Variants in INPP5A observed in about 807,000 individuals in gnomAD.
INPP5A encodes 43 kDa inositol polyphosphate 5-phophatase.
Under a neutral mutation model 65.2 loss-of-function variants are expected in INPP5A, and 14 were observed. That is an observed-to-expected ratio of 0.21 (90% CI 0.14 to 0.34). The LOEUF (loss-of-function observed/expected upper bound fraction) is 0.34. INPP5A is among the 10% of genes least tolerant of loss of function. The pLI, the probability that INPP5A is intolerant of heterozygous loss-of-function variation, is 1.00. For missense variants in INPP5A, 431 were observed against 545.6 expected (o/e 0.79, Z 2.09); for synonymous variants, 207 against 208.3 (o/e 0.99, Z 0.05).
At chr10:132,760,619 A>G (rs372557300) in intron 11 of INPP5A, among the ~76,000 whole-genome samples, 3 of 152,212 alleles carry the variant, frequency 2.0e-5, no homozygotes, top group African/African-American at 7.2e-5. Flanking sequence ...GGCTCACCTG[A>G]GCGGGAGCTT....
chr10:132,756,352 G>T (rs1219394485), intron 11 of INPP5A, among the ~76,000 whole-genome samples: 1 of 152,090 alleles, frequency 6.6e-6, no homozygotes, highest in Admixed American at 6.5e-5. Context: ...GTATGCATGT[G>T]TGTGTACACG....
intron 1 of INPP5A, among the ~76,000 whole-genome samples, chr10:132,588,440 G>A (rs1033022457): frequency 6.6e-6 from 1 of 152,242 alleles, no homozygotes; most frequent in Non-Finnish European, 1.5e-5. Flanking sequence ...AGGCCCAGTC[G>A]TTACTTCCTT....
intron 8 of INPP5A, among the ~76,000 whole-genome samples, chr10:132,725,426 G>T (rs187991508): frequency 2.4e-3 from 367 of 152,366 alleles, no homozygotes; most frequent in African/African-American, 8.2e-3. Flanking sequence ...GAGGGTGGAG[G>T]TGTCAGCGGT....
intron 6 of INPP5A, among the ~76,000 whole-genome samples, chr10:132,703,744 T>C (rs1414260113): frequency 5.1e-5 from 2 of 39,344 alleles, no homozygotes; most frequent in Non-Finnish European, 4.3e-5. Flanking sequence ...TGCACACACA[T>C]ACACGTACGG....
rs745645034 is a variant in INPP5A at position 132,697,368 on chromosome 10, C to T, written c.371-448C>T. ...AAAGCCCATCTGGGAGGCACCCTGCCGCGCGCTGCCTCTCTCACCATCACA... is the reference window on the plus strand; with the variant it reads ...AAAGCCCATCTGGGAGGCACCCTGCTGCGCGCTGCCTCTCTCACCATCACA... On this transcript the variant is annotated intron_variant, in intron 5 of 15. Coordinates refer to ENST00000368594, the MANE Select transcript of INPP5A (RefSeq NM_005539.5). This position sits in a 1 kb window ranked among gnomAD's most constrained non-coding sequence, Gnocchi z 5.6. Among the ~76,000 whole-genome samples the T allele has an allele frequency of 2.0e-5, 3 of 152,262 alleles. No homozygotes were observed. The highest frequency in any genetic ancestry group is 6.5e-5 in the Admixed American group (1 of 15,294).
chr10:132,625,840 CTGTGTGTG>C lies in INPP5A; in HGVS notation c.117+17914_117+17921del, dbSNP rs139839964. Reference sequence around the variant, plus strand: ...TTCTCTGCAAGGGCTGGCAGGACTTCTGTGTGTGTGTGTGTGTGTGTGTGTGTGTGTGT... The same window carrying C: ...TTCTCTGCAAGGGCTGGCAGGACTTCTGTGTGTGTGTGTGTGTGTGTGTGT... On this transcript the variant is annotated intron_variant, in intron 2 of 15. Coordinates refer to ENST00000368594, the MANE Select transcript of INPP5A (RefSeq NM_005539.5). 8.2e-3 allele frequency among the ~76,000 whole-genome samples: 1,194 copies of C among 146,114 alleles called. 9 individuals are homozygous for C. Among genetic ancestry groups the C allele is most frequent in the African/African-American group, 0.018 (698 of 39,594 alleles).
At chr10:132,719,055 C>T (rs1330308400) in intron 8 of INPP5A, among the ~76,000 whole-genome samples, 26 of 147,830 alleles carry the variant, frequency 1.8e-4, no homozygotes, top group Non-Finnish European at 2.5e-4. Context: ...TGTCTGGGCG[C>T]CTTAGACGGC....
At chr10:132,666,657 C>T (rs373159367) in intron 4 of INPP5A, among the ~76,000 whole-genome samples, 5 of 152,308 alleles carry the variant, frequency 3.3e-5, no homozygotes, top group Admixed American at 6.5e-5. Context: ...CACACCGAGC[C>T]GAAACATCTT....
chr10:132,733,285 G>T (rs545486089), intron 9 of INPP5A, among the ~76,000 whole-genome samples: 12 of 152,312 alleles, frequency 7.9e-5, no homozygotes, highest in African/African-American at 2.9e-4. Context: ...TGAATCTGGG[G>T]GCACACCGTA....
rs1373354817 is a variant in INPP5A, at chr10:132,680,448, G to A, written c.307-9944G>A. Among the ~76,000 whole-genome samples the A allele has an allele frequency of 3.3e-5, 5 of 152,350 alleles. No individual in the cohort carries two copies. The South Asian group carries it at 8.3e-4, about 25-fold the overall frequency. ...TTGCAAAATACCTTATACCCATTAG[G>A]ATGGCTGTTGTCAAAAAGCGCAGAA... On this transcript the variant is annotated intron_variant, in intron 4 of 15. Transcript: ENST00000368594.
chr10:132,610,405 C>CCCGGGCCTAGCT (rs1227641890), intron 2 of INPP5A, among the ~76,000 whole-genome samples: 1 of 152,244 alleles, frequency 6.6e-6, no homozygotes, highest in Non-Finnish European at 1.5e-5. Flanking sequence ...TAGGGGTTGC[C>CCCGGGCCTAGCT]CCGGGCCTAG....
intron 4 of INPP5A, among the ~76,000 whole-genome samples, chr10:132,654,759 G>A (rs2072629683): frequency 1.3e-5 from 2 of 152,248 alleles, no homozygotes; most frequent in African/African-American, 2.4e-5. Flanking sequence ...ATGCTGTCAC[G>A]GGTATTAATA....
At chr10:132,737,294 G>A (rs1846194455) in intron 9 of INPP5A, among the ~76,000 whole-genome samples, 3 of 152,204 alleles carry the variant, frequency 2.0e-5, no homozygotes, top group Non-Finnish European at 4.4e-5. Flanking sequence ...AGAAAGCCTG[G>A]CTCAGAGTGA....
At chr10:132,647,779 G>A (rs977844022) in intron 3 of INPP5A, among the ~76,000 whole-genome samples, 22 of 152,262 alleles carry the variant, frequency 1.4e-4, no homozygotes, top group African/African-American at 5.3e-4. Context: ...TTGGATCCCT[G>A]CTTTGTGTCA....
intron 1 of INPP5A, among the ~76,000 whole-genome samples, chr10:132,554,391 C>T (rs900865482): frequency 2.0e-5 from 3 of 152,106 alleles, no homozygotes; most frequent in Non-Finnish European, 2.9e-5. Flanking sequence ...CAGAGGGTCT[C>T]CTGGGCAAGT....
chr10:132,624,123 G>A (rs766952051), intron 2 of INPP5A, among the ~76,000 whole-genome samples: 3 of 146,066 alleles, frequency 2.1e-5, no homozygotes, highest in African/African-American at 5.2e-5. Context: ...AAAGTTGGAC[G>A]TGTGGCCACC....
At chr10:132,548,523 A>G (rs544164927) in intron 1 of INPP5A, among the ~76,000 whole-genome samples, 1 of 152,332 alleles carries the variant, frequency 6.6e-6, no homozygotes, top group Admixed American at 6.5e-5. Flanking sequence ...AGTTCACCCA[A>G]TGTGAGTGTA....
chr10:132,735,358 G>A (rs139377353), intron 9 of INPP5A, among the ~76,000 whole-genome samples: 3 of 152,350 alleles, frequency 2.0e-5, no homozygotes, highest in East Asian at 1.9e-4. Context: ...TGACACAGTC[G>A]TGCATAGCCA....
chr10:132,619,057 A>G (rs1706190424), intron 2 of INPP5A, among the ~76,000 whole-genome samples: 1 of 152,136 alleles, frequency 6.6e-6, no homozygotes, highest in African/African-American at 2.4e-5. Context: ...TTCAAAATAC[A>G]ATCATCCCTT....
Sources: allele counts gnomAD v4.1 joint callset (sites outside exome capture counted in the v4.1 genomes callset), GRCh38; gene constraint gnomAD v4.1.1; non-coding constraint Gnocchi (gnomAD v3.1); transcripts MANE v1.5; gene names NCBI Gene and HGNC (gene_info 2026-07-23, HGNC 2026-07-21).